Variants in B4GALT4 observed in about 807,000 individuals in gnomAD.
The protein encoded by B4GALT4 is beta-1,4-galactosyltransferase 4.
A neutral mutation model predicts 37.3 loss-of-function variants in B4GALT4; 27 were observed. That is an observed-to-expected ratio of 0.72 (90% CI 0.53 to 1.00). B4GALT4 has a LOEUF of 1.00. Among genes scored for constraint, B4GALT4 ranks in the 50% least tolerant of loss-of-function variants. The probability of loss-of-function intolerance (pLI) is 0.00; values close to 1 mark genes in which losing one functional copy is unlikely to be tolerated. For missense variants in B4GALT4, 372 were observed against 413.1 expected, an observed-to-expected ratio of 0.90 and a Z score of 0.86; for synonymous variants, 148 against 154.1, an observed-to-expected ratio of 0.96 and a Z score of 0.29.
intron 1 of B4GALT4, among the ~76,000 whole-genome samples, chr3:119,238,523 G>A (rs9842789): frequency 0.23 from 35,669 of 151,860 alleles, 4,406 homozygotes; most frequent in South Asian, 0.32. Flanking sequence ...CACTTTCTGC[G>A]GTTTCAGTTA....
At chr3:119,222,594 A>G (rs4528932) in intron 5 of B4GALT4, among the ~76,000 whole-genome samples, 112,649 of 152,112 alleles carry the variant, frequency 0.74, 41,946 homozygotes, top group African/African-American at 0.82. Flanking sequence ...TTCGAACTCC[A>G]TATCAGACTA....
intron 4 of B4GALT4, chr3:119,226,586 G>C (rs2078625926): frequency 3.7e-6 from 2 of 543,582 alleles, no homozygotes; most frequent in Non-Finnish European, 6.6e-6. Context: ...TTCCTCCAGA[G>C]GTTCCTTTAA....
rs113246070 is a variant in B4GALT4, at chr3:119,212,168, T to C, written c.*381A>G. 4.7e-5 allele frequency: 33 copies of C among 703,082 alleles called. 1 individual carries two copies. In the African/African-American group the frequency reaches 4.7e-4, roughly 10 times the overall value. 43.6% of individuals were successfully genotyped at this position (703,082 alleles called of 1,614,324 possible). A position where few individuals can be genotyped will look rare whatever the true frequency, so the allele number is the denominator to read the frequency against. ...CCTTGGACGAGAACAACTCTGGTTCTCTCAGACATTCAGCAGTCTTATTTC... is the reference window on the plus strand; with the variant it reads ...CCTTGGACGAGAACAACTCTGGTTCCCTCAGACATTCAGCAGTCTTATTTC... On this transcript the variant is annotated 3_prime_UTR_variant, in exon 8 of 8. Coordinates refer to ENST00000393765, the MANE Select transcript of B4GALT4 (RefSeq NM_003778.4).
chr3:119,220,747 G>A (rs1360927684), intron 5 of B4GALT4, among the ~76,000 whole-genome samples: 1 of 152,196 alleles, frequency 6.6e-6, no homozygotes, highest in African/African-American at 2.4e-5. Context: ...AGCACTTTGG[G>A]AGGCCAAGGC....
chr3:119,236,441 T>C (rs548156718), intron 2 of B4GALT4, among the ~76,000 whole-genome samples: 1 of 152,232 alleles, frequency 6.6e-6, no homozygotes, highest in Non-Finnish European at 1.5e-5. Context: ...GTGAACTGTG[T>C]ATCATTTTTA....
At chr3:119,223,766 C>T (rs1576906783) in intron 5 of B4GALT4, among the ~76,000 whole-genome samples, 3 of 152,312 alleles carry the variant, frequency 2.0e-5, no homozygotes, top group Middle Eastern at 6.8e-3. Flanking sequence ...GGAAAGCTTG[C>T]GAAAGCCCCC....
intron 2 of B4GALT4, among the ~76,000 whole-genome samples, chr3:119,231,322 C>T (rs914351947): frequency 6.6e-6 from 1 of 152,172 alleles, no homozygotes; most frequent in Non-Finnish European, 1.5e-5. Flanking sequence ...GACAAGGATA[C>T]CTGGTTTGCC....
intron 6 of B4GALT4, among the ~76,000 whole-genome samples, chr3:119,216,631 G>C (rs1456994623): frequency 6.6e-6 from 1 of 151,890 alleles, no homozygotes; most frequent in African/African-American, 2.4e-5. Flanking sequence ...TTTATACTTA[G>C]TCATTTTCAA....
At chr3:119,216,471 C>T (rs1415826471) in intron 6 of B4GALT4, 127 bp from the exon 7 acceptor site, 2 of 462,378 alleles carry the variant, frequency 4.3e-6, no homozygotes, top group Non-Finnish European at 7.4e-6. Context: ...CACACACACA[C>T]AGTGTCACAA....
intron 6 of B4GALT4, among the ~76,000 whole-genome samples, chr3:119,217,842 CAAAAAAAAAAAAAAA>C (rs57522373): frequency 1.1e-5 from 1 of 87,806 alleles, no homozygotes; most frequent in Non-Finnish European, 2.2e-5. Flanking sequence ...GACTTTGTCT[CAAAAAAAAAAAAAAA>C]AAAAAAAAGA....
At chr3:119,238,275 A>AG (rs1405077368) in intron 1 of B4GALT4, among the ~76,000 whole-genome samples, 2 of 151,300 alleles carry the variant, frequency 1.3e-5, no homozygotes, top group East Asian at 3.9e-4. Context: ...AAAAAAAAAA[A>AG]AAAAAAAAGT....
intron 1 of B4GALT4, among the ~76,000 whole-genome samples, chr3:119,238,819 G>T (rs1299994557): frequency 6.6e-6 from 1 of 152,058 alleles, no homozygotes; most frequent in Non-Finnish European, 1.5e-5. Context: ...TCACAGACAG[G>T]AATTATAACT....
intron 5 of B4GALT4, among the ~76,000 whole-genome samples, chr3:119,223,495 AT>A (rs2078508949): frequency 2.0e-5 from 3 of 152,112 alleles, no homozygotes; most frequent in Admixed American, 2.0e-4. Context: ...GGTGGAGGGG[AT>A]GGGGAATGAA....
intron 4 of B4GALT4, among the ~76,000 whole-genome samples, chr3:119,225,993 A>C (rs1019512668): frequency 6.6e-6 from 1 of 152,208 alleles, no homozygotes; most frequent in African/African-American, 2.4e-5. Context: ...ATCTAAAAGA[A>C]ATATTACCTG....
chr3:119,239,653 T>C (rs1164699800), intron 1 of B4GALT4, among the ~76,000 whole-genome samples: 3 of 152,212 alleles, frequency 2.0e-5, no homozygotes, highest in African/African-American at 7.2e-5. Context: ...TTAGATTATG[T>C]AGTCAAACAG....
chr3:119,222,062 C>G (rs1348357937), intron 5 of B4GALT4, among the ~76,000 whole-genome samples: 1 of 152,100 alleles, frequency 6.6e-6, no homozygotes, highest in East Asian at 1.9e-4. Flanking sequence ...AAGATAAAAT[C>G]TAGAATCCCA....
intron 5 of B4GALT4, among the ~76,000 whole-genome samples, chr3:119,223,128 C>G (rs1285732754): frequency 6.6e-6 from 1 of 152,178 alleles, no homozygotes; most frequent in Non-Finnish European, 1.5e-5. Context: ...TTCATTTGTC[C>G]CTCTCTCCCC....
At position 119,212,414 on chromosome 3, in the gene B4GALT4, A is replaced by T; in HGVS notation, c.*135T>A. 1 of 890,828 alleles carries T rather than the reference A, an allele frequency of 1.1e-6. No homozygotes were observed. The highest frequency in any genetic ancestry group is 1.7e-6 in the Non-Finnish European group (1 of 591,494). 55.2% of individuals were successfully genotyped at this position (890,828 alleles called of 1,614,324 possible). On this transcript the variant is annotated 3_prime_UTR_variant, in exon 8 of 8. Transcript: ENST00000393765. ...ACATCACCAGGAGCTCTGCTAAGAA[A>T]ATACAAAAAGGAAAAATTCAGCTCA...
At chr3:119,218,059 A>ACTC (rs1317306798) in intron 6 of B4GALT4, among the ~76,000 whole-genome samples, 2 of 152,146 alleles carry the variant, frequency 1.3e-5, no homozygotes, top group Non-Finnish European at 2.9e-5. Context: ...TGGAGGCCAG[A>ACTC]CTTATTCCCT....
Sources: allele counts gnomAD v4.1 joint callset (sites outside exome capture counted in the v4.1 genomes callset), GRCh38; gene constraint gnomAD v4.1.1; transcripts MANE v1.5; gene names NCBI Gene and HGNC (gene_info 2026-07-23, HGNC 2026-07-21).